MICU2: variants seen among roughly 807,000 people sequenced by gnomAD.
MICU2 encodes calcium uptake protein 2, mitochondrial.
A neutral mutation model predicts 60.4 loss-of-function variants in MICU2; 64 were observed. The ratio of observed to expected loss-of-function variants is 1.06; its 90% CI spans 0.87 to 1.31. The LOEUF is 1.31. MICU2 is among the 50% of genes most tolerant of loss of function. The pLI is 0.00. For synonymous variants in MICU2, 201 were observed against 175.0 expected, an observed-to-expected ratio of 1.15 and a Z score of -1.17; for missense variants, 569 against 531.0, an observed-to-expected ratio of 1.07 and a Z score of -0.70.
At chr13:21,562,389 A>G (rs1414951246) in intron 2 of MICU2, among the ~76,000 whole-genome samples, 1 of 152,182 alleles carries the variant, frequency 6.6e-6, no homozygotes, top group Non-Finnish European at 1.5e-5. Context: ...GACTGTTGAT[A>G]TATCTGGATT....
At chr13:21,591,734 C>T (rs1276535722) in intron 1 of MICU2, among the ~76,000 whole-genome samples, 1 of 152,162 alleles carries the variant, frequency 6.6e-6, no homozygotes, top group Admixed American at 6.5e-5. Flanking sequence ...CAAAACCACA[C>T]AATTTCATGG....
At chr13:21,592,345 C>T (rs1037587912) in intron 1 of MICU2, among the ~76,000 whole-genome samples, 2 of 152,160 alleles carry the variant, frequency 1.3e-5, no homozygotes, top group Non-Finnish European at 2.9e-5. Flanking sequence ...AGACCAATAA[C>T]AAGCTGGGAA....
intron 1 of MICU2, among the ~76,000 whole-genome samples, chr13:21,573,579 A>G (rs1208754048): frequency 1.3e-5 from 2 of 151,996 alleles, no homozygotes; most frequent in Admixed American, 6.6e-5. Flanking sequence ...GCTTGCTGCC[A>G]TCTTATGTTT....
chr13:21,585,796 G>C (rs1015769409), intron 1 of MICU2, among the ~76,000 whole-genome samples: 1 of 151,838 alleles, frequency 6.6e-6, no homozygotes, highest in Non-Finnish European at 1.5e-5. Context: ...CACATTTCTT[G>C]CTTTTATTTA....
intron 1 of MICU2, among the ~76,000 whole-genome samples, chr13:21,593,712 C>T (rs983358052): frequency 2.6e-5 from 4 of 151,988 alleles, no homozygotes; most frequent in Non-Finnish European, 5.9e-5. Context: ...GAACAGAGAC[C>T]TCAGAAATAA....
chr13:21,533,551 C>T (rs902798733), intron 4 of MICU2, among the ~76,000 whole-genome samples: 2 of 151,860 alleles, frequency 1.3e-5, no homozygotes, highest in Non-Finnish European at 2.9e-5. Flanking sequence ...TCTCGATCCC[C>T]TGACCTCGTG....
intron 1 of MICU2, among the ~76,000 whole-genome samples, chr13:21,577,000 GCAGATTTGCAATTTCTTACTT>G (rs563037174): frequency 4.3e-4 from 66 of 152,256 alleles, no homozygotes; most frequent in African/African-American, 1.5e-3. Context: ...GAATTCAGGA[GCAGATTTGCAATTTCTTACTT>G]AAAAAATTAT....
At chr13:21,493,401 A>C (rs1885911167) in intron 11 of MICU2, 48 bp from the exon 12 acceptor site, 3 of 1,329,494 alleles carry the variant, frequency 2.3e-6, no homozygotes, top group African/African-American at 1.5e-5. Context: ...TCAAGGTTAA[A>C]CATGATTTCA....
chr13:21,528,082 TG>T (rs2138176536), intron 4 of MICU2, among the ~76,000 whole-genome samples: 1 of 152,320 alleles, frequency 6.6e-6, no homozygotes, highest in South Asian at 2.1e-4. Context: ...TTTTTGAGGA[TG>T]GTATTAAAAT....
At chr13:21,502,758 A>T in intron 9 of MICU2, 168 bp downstream of exon 9, 1 of 362,566 alleles carries the variant, frequency 2.8e-6, no homozygotes, top group Non-Finnish European at 4.3e-6. Context: ...ATTCTGTCTT[A>T]GGCAGTTTTC....
intron 1 of MICU2, among the ~76,000 whole-genome samples, chr13:21,590,355 CGAA>C (rs1566170878): frequency 6.6e-6 from 1 of 152,120 alleles, no homozygotes; most frequent in African/African-American, 2.4e-5. Flanking sequence ...GCTCCATAAG[CGAA>C]GGAGAAATAA....
At chr13:21,581,907 T>C (rs1412725858) in intron 1 of MICU2, among the ~76,000 whole-genome samples, 2 of 152,242 alleles carry the variant, frequency 1.3e-5, no homozygotes, top group African/African-American at 2.4e-5. Context: ...CAGGAAATCA[T>C]TGCTACACAA....
intron 9 of MICU2, among the ~76,000 whole-genome samples, chr13:21,500,160 G>T (rs1238607116): frequency 6.6e-6 from 1 of 152,182 alleles, no homozygotes; most frequent in African/African-American, 2.4e-5. Flanking sequence ...TCATGCCCAT[G>T]GGGCTTGGGA....
At chr13:21,573,639 C>T (rs1284463939) in intron 1 of MICU2, among the ~76,000 whole-genome samples, 1 of 151,952 alleles carries the variant, frequency 6.6e-6, no homozygotes, top group Non-Finnish European at 1.5e-5. Context: ...GAAACTGATC[C>T]GTTTTAGTTT....
chr13:21,599,257 A>C (rs1357179638), intron 1 of MICU2, among the ~76,000 whole-genome samples: 1 of 152,002 alleles, frequency 6.6e-6, no homozygotes, highest in Non-Finnish European at 1.5e-5. Context: ...CAACTCTAAA[A>C]CTCTCTAGTT....
chr13:21,527,242 C>G (rs1329765902), intron 4 of MICU2, among the ~76,000 whole-genome samples: 3 of 152,084 alleles, frequency 2.0e-5, no homozygotes, highest in Admixed American at 6.5e-5. Context: ...GCTGAAAGAT[C>G]AAAGTATTTC....
intron 6 of MICU2, among the ~76,000 whole-genome samples, chr13:21,515,231 G>A (rs376844150): frequency 2.1e-4 from 32 of 151,834 alleles, no homozygotes; most frequent in African/African-American, 6.5e-4. Flanking sequence ...ACAGGCACCC[G>A]CCACCATGCC....
intron 6 of MICU2, among the ~76,000 whole-genome samples, chr13:21,514,992 T>C (rs1268418290): frequency 6.6e-6 from 1 of 152,194 alleles, no homozygotes. Context: ...GGCAGCACTC[T>C]ATAAGAACTT....
At chr13:21,510,592 T>G (rs1335683576) in intron 7 of MICU2, among the ~76,000 whole-genome samples, 1 of 151,948 alleles carries the variant, frequency 6.6e-6, no homozygotes, top group Non-Finnish European at 1.5e-5. Context: ...CTTCAATTCT[T>G]TAATAAAATA....
Sources: gnomAD v4.1 joint callset for allele counts (sites outside exome capture counted in the v4.1 genomes callset) on GRCh38, gnomAD v4.1.1 for gene constraint, MANE v1.5 for transcripts, NCBI Gene and HGNC (gene_info 2026-07-23, HGNC 2026-07-21) for gene names.